ADGRL3: variants seen among roughly 807,000 people sequenced by gnomAD.
ADGRL3 encodes adhesion G protein-coupled receptor L3.
ADGRL3 carries 62 observed loss-of-function variants against 153.5 expected under a neutral mutation model. The ratio of observed to expected loss-of-function variants is 0.40; its 90% CI spans 0.33 to 0.50. The LOEUF is 0.50. Among genes scored for constraint, ADGRL3 ranks in the 20% least tolerant of loss-of-function variants. The pLI is 0.47. For synonymous variants in ADGRL3, 710 were observed against 672.5 expected, an observed-to-expected ratio of 1.06 and a Z score of -0.86; for missense variants, 1,641 against 1,859.4, an observed-to-expected ratio of 0.88 and a Z score of 2.16.
At chr4:61,337,113 T>C (rs2095694546) in intron 1 of ADGRL3, among the ~76,000 whole-genome samples, 1 of 152,132 alleles carries the variant, frequency 6.6e-6, no homozygotes, top group Non-Finnish European at 1.5e-5. Flanking sequence ...ATTCCTGGCA[T>C]GTGCTTTAGA....
intron 2 of ADGRL3, among the ~76,000 whole-genome samples, chr4:61,404,808 CAG>C (rs1379713825): frequency 6.6e-6 from 1 of 151,938 alleles, no homozygotes; most frequent in African/African-American, 2.4e-5. Context: ...CAAAAAGTGT[CAG>C]AGTCGTGGTT....
intron 9 of ADGRL3, among the ~76,000 whole-genome samples, chr4:61,846,203 G>C (rs376772785): frequency 6.6e-6 from 1 of 151,796 alleles, no homozygotes; most frequent in South Asian, 2.1e-4. Flanking sequence ...TGTAGTCCTA[G>C]CTACTTGGGG....
At chr4:61,228,936 T>C (rs561620664) in intron 1 of ADGRL3, among the ~76,000 whole-genome samples, 117 of 152,184 alleles carry the variant, frequency 7.7e-4, no homozygotes, top group Admixed American at 2.2e-3. Flanking sequence ...AAGCAATCTA[T>C]CCGCCTCAAC....
chr4:61,632,713 A>C (rs1315663633), intron 5 of ADGRL3, among the ~76,000 whole-genome samples: 1 of 152,136 alleles, frequency 6.6e-6, no homozygotes, highest in African/African-American at 2.4e-5. Flanking sequence ...TAATTACAAT[A>C]ATTCTTATTG....
chr4:61,776,836 G>A (rs1178747099), intron 8 of ADGRL3, among the ~76,000 whole-genome samples: 1 of 152,126 alleles, frequency 6.6e-6, no homozygotes, highest in Non-Finnish European at 1.5e-5. Context: ...ATCAACAAGA[G>A]TCTTCTTGAA....
chr4:61,382,485 G>A (rs957601875), intron 1 of ADGRL3, among the ~76,000 whole-genome samples: 2 of 151,426 alleles, frequency 1.3e-5, no homozygotes, highest in African/African-American at 4.8e-5. Context: ...TTTATTATTT[G>A]TTTAATAAAA....
intron 3 of ADGRL3, among the ~76,000 whole-genome samples, chr4:61,508,059 A>T (rs1255076788): frequency 6.6e-6 from 1 of 152,160 alleles, no homozygotes; most frequent in Non-Finnish European, 1.5e-5. Context: ...TCTTACTATT[A>T]GTTATCACTC....
chr4:61,446,557 T>C (rs532837753), intron 2 of ADGRL3, among the ~76,000 whole-genome samples: 1 of 152,276 alleles, frequency 6.6e-6, no homozygotes, highest in East Asian at 1.9e-4. Flanking sequence ...GAGGATGAAA[T>C]ACCAACGATA....
intron 8 of ADGRL3, among the ~76,000 whole-genome samples, chr4:61,759,769 T>C (rs772336109): frequency 1.3e-5 from 2 of 152,224 alleles, no homozygotes; most frequent in Non-Finnish European, 2.9e-5. Context: ...GTTTCCAGTT[T>C]TTCTACTCTG....
chr4:61,497,789 G>A (rs1037087724), intron 3 of ADGRL3, among the ~76,000 whole-genome samples: 3 of 151,574 alleles, frequency 2.0e-5, no homozygotes, highest in African/African-American at 7.3e-5. Context: ...CTCCCAAAGT[G>A]CTGGGATTAC....
chr4:61,398,903 G>A (rs1193317457), intron 2 of ADGRL3, among the ~76,000 whole-genome samples: 4 of 151,452 alleles, frequency 2.6e-5, no homozygotes, highest in Non-Finnish European at 5.9e-5. Flanking sequence ...TTCCAAAACT[G>A]TGTTTCCTTA....
At chr4:61,713,747 T>C (rs3934691) in intron 6 of ADGRL3, among the ~76,000 whole-genome samples, 1 of 152,134 alleles carries the variant, frequency 6.6e-6, no homozygotes, top group Non-Finnish European at 1.5e-5. Flanking sequence ...GAAAGTATTT[T>C]ATTTAATAAT....
chr4:61,718,158 AC>A (rs2096163002), intron 6 of ADGRL3, among the ~76,000 whole-genome samples: 1 of 152,210 alleles, frequency 6.6e-6, no homozygotes, highest in South Asian at 2.1e-4. Flanking sequence ...TAGAATATTA[AC>A]CAAAAATAAC....
chr4:62,018,760 G>A (rs923843476), intron 21 of ADGRL3, among the ~76,000 whole-genome samples: 1 of 152,150 alleles, frequency 6.6e-6, no homozygotes, highest in African/African-American at 2.4e-5. Flanking sequence ...CTGGGGCTGA[G>A]GGAGGCTGTC....
At chr4:61,592,676 A>G (rs932759419) in intron 5 of ADGRL3, among the ~76,000 whole-genome samples, 4 of 152,190 alleles carry the variant, frequency 2.6e-5, no homozygotes, top group African/African-American at 9.6e-5. Context: ...CAATTCTGGA[A>G]GTACATTTTG....
intron 6 of ADGRL3, among the ~76,000 whole-genome samples, chr4:61,714,602 T>C (rs371556683): frequency 6.6e-6 from 1 of 152,118 alleles, no homozygotes; most frequent in African/African-American, 2.4e-5. Flanking sequence ...AGCCATCTGC[T>C]TGTGTGCTGT....
Position 61,750,510 on chromosome 4 carries a change from G to A in ADGRL3, c.1399+16956G>A, listed in dbSNP as rs191849534. On this transcript the variant is annotated intron_variant, in intron 8 of 26. Transcript: ENST00000683033. ...ATGGACATATATTAGAACTGAAGTC[G>A]GCCGGGCGCGGTGGCTCACGCCTGT... Among the ~76,000 whole-genome samples the A allele has an allele frequency of 1.2e-3, 183 of 152,304 alleles. 3 individuals carry two copies. Among genetic ancestry groups the A allele is most frequent in the African/African-American group, 4.0e-3 (166 of 41,570 alleles).
At chr4:61,930,240 A>ATTGGGGTAT (rs2098812314) in intron 13 of ADGRL3, among the ~76,000 whole-genome samples, 1 of 150,634 alleles carries the variant, frequency 6.6e-6, no homozygotes, top group Admixed American at 6.6e-5. Context: ...CATTCCTTCT[A>ATTGGGGTAT]TTGGGGTATT....
intron 3 of ADGRL3, among the ~76,000 whole-genome samples, chr4:61,500,845 A>G (rs773442165): frequency 1.3e-5 from 2 of 152,204 alleles, no homozygotes; most frequent in Non-Finnish European, 2.9e-5. Flanking sequence ...ATTGAGGTAC[A>G]CAGTGGTAAA....
Sources: allele counts gnomAD v4.1 joint callset (sites outside exome capture counted in the v4.1 genomes callset), GRCh38; gene constraint gnomAD v4.1.1; transcripts MANE v1.5; gene names NCBI Gene and HGNC (gene_info 2026-07-23, HGNC 2026-07-21).